The following PSMA1 variants were observed in gnomAD, a reference collection of about 807,000 sequenced individuals.
The protein encoded by PSMA1 is proteasome 20S subunit alpha 1, also known as proteasome subunit alpha type-1.
In PSMA1, 3 loss-of-function variants were observed where a neutral mutation model predicts 38.4. That is an observed-to-expected ratio of 0.08 (90% CI 0.04 to 0.20). The LOEUF (loss-of-function observed/expected upper bound fraction) is 0.20. Ranked by LOEUF, PSMA1 falls within the 10% of genes least tolerant of loss-of-function variation. The pLI is 1.00. For synonymous variants in PSMA1, 101 were observed against 107.1 expected (o/e 0.94, Z 0.35); for missense variants, 227 against 325.3 (o/e 0.70, Z 2.32).
At chr11:14,511,736 G>A (rs1851346284) in intron 7 of PSMA1, among the ~76,000 whole-genome samples, 2 of 152,050 alleles carry the variant, frequency 1.3e-5, no homozygotes, top group Non-Finnish European at 2.9e-5. Flanking sequence ...TTTCCCTTAA[G>A]TTTAGGAACA....
At chr11:14,639,223 G>C (rs879863852) in intron 1 of PSMA1, among the ~76,000 whole-genome samples, 5 of 151,518 alleles carry the variant, frequency 3.3e-5, no homozygotes, top group African/African-American at 1.2e-4. Flanking sequence ...AGTGAAATAC[G>C]ACATAAACAT....
chr11:14,517,708 A>T lies in PSMA1; in HGVS notation c.188T>A (p.Ile63Asn), dbSNP rs781276795. Residue 63 changes from isoleucine to asparagine, a missense_variant, in exon 4 of 10, where the codon ATT becomes AAT. By Grantham distance (149) the Ile-to-Asn change is moderately radical. Coordinates refer to ENST00000396394, the MANE Select transcript of PSMA1 (RefSeq NM_002786.4). ...QSELAAHQKK[I>N]LHVDNHIGIS... is the part of the protein sequence containing the mutation. ...ACCAATATGGTTGTCAACATGGAGAATTTTTTTCTGATGAGCTGCAAGCTC... is the reference window on the plus strand; with the variant it reads ...ACCAATATGGTTGTCAACATGGAGATTTTTTTTCTGATGAGCTGCAAGCTC... The T allele has an allele frequency of 6.2e-6, 10 of 1,609,508 alleles. No homozygotes were observed. The highest frequency in any genetic ancestry group is 1.7e-6 in the Non-Finnish European group (2 of 1,179,112).
At chr11:14,530,419 G>A (rs1444396437) in intron 2 of PSMA1, among the ~76,000 whole-genome samples, 1 of 152,030 alleles carries the variant, frequency 6.6e-6, no homozygotes, top group Admixed American at 6.6e-5. Context: ...TACTTTCTTG[G>A]AGCCTCAGCC....
Position 14,638,043 on chromosome 11 carries a change from C to T in PSMA1, c.-166+5412G>A, listed in dbSNP as rs562353298. Among the ~76,000 whole-genome samples the T allele has an allele frequency of 3.3e-4, 50 of 152,246 alleles. No homozygotes were observed. In the South Asian group the frequency reaches 5.8e-3, roughly 18 times the overall value. The stretch of plus-strand genomic sequence containing the variant: ...TCTACTCATTGTTAGTTACCTTACA[C>T]GTGTAATTTAATTTAATCCACAGCA... On this transcript the variant is annotated intron_variant, in intron 1 of 10. Transcript: ENST00000418988.
chr11:14,588,666 G>A (rs16930361), intron 2 of PSMA1, among the ~76,000 whole-genome samples: 2,818 of 152,256 alleles, frequency 0.019, 84 homozygotes, highest in African/African-American at 0.065. Context: ...TTTAGCATAC[G>A]AGTGTCTCAT....
At chr11:14,543,882 T>C (rs779652461) in intron 2 of PSMA1, among the ~76,000 whole-genome samples, 3 of 152,230 alleles carry the variant, frequency 2.0e-5, no homozygotes, top group African/African-American at 4.8e-5. Context: ...TGAGGACTTA[T>C]TGTACTATAC....
chr11:14,572,027 A>G (rs1004903412), intron 2 of PSMA1, among the ~76,000 whole-genome samples: 10 of 152,206 alleles, frequency 6.6e-5, no homozygotes, highest in Non-Finnish European at 1.3e-4. Flanking sequence ...GTCCTTAGAG[A>G]CCTACAAAGA....
At chr11:14,517,544 T>C in intron 4 of PSMA1, 98 bp downstream of exon 4, 1 of 983,320 alleles carries the variant, frequency 1.0e-6, no homozygotes, top group South Asian at 1.9e-5. Context: ...ACAAGAACTT[T>C]GGCAGACAAC....
Position 14,588,542 on chromosome 11 carries a change from G to T in PSMA1, c.21+22424C>A, listed in dbSNP as rs547367495. On this transcript the variant is annotated intron_variant, in intron 2 of 10. Transcript: ENST00000418988. ...ACAGAGTTTGGAGACCCATTATCAAGTTCTTACTATAGTCCTACTGTGACA... is the reference window on the plus strand; with the variant it reads ...ACAGAGTTTGGAGACCCATTATCAATTTCTTACTATAGTCCTACTGTGACA... Among the ~76,000 whole-genome samples, 61 of 152,260 alleles carry T rather than the reference G, an allele frequency of 4.0e-4. No homozygotes were observed. In the South Asian group the frequency reaches 0.012, roughly 29 times the overall value.
At chr11:14,514,996 T>C (rs1565033303) in intron 4 of PSMA1, among the ~76,000 whole-genome samples, 1 of 152,246 alleles carries the variant, frequency 6.6e-6, no homozygotes, top group Non-Finnish European at 1.5e-5. Context: ...GAGGAGATAC[T>C]GGACACTAGC....
chr11:14,602,402 G>C (rs1852593439), intron 2 of PSMA1, among the ~76,000 whole-genome samples: 1 of 151,924 alleles, frequency 6.6e-6, no homozygotes. Flanking sequence ...TCCTTGACCT[G>C]GTACATTCAT....
chr11:14,523,589 CAT>C (rs1491096235), upstream of PSMA1, among the ~76,000 whole-genome samples: 1 of 116,704 alleles, frequency 8.6e-6, no homozygotes, highest in South Asian at 3.1e-4. Flanking sequence ...TCTCAGGATA[CAT>C]TTTTTTTTTT....
chr11:14,560,883 G>C (rs1046617845), intron 2 of PSMA1, among the ~76,000 whole-genome samples: 4 of 152,222 alleles, frequency 2.6e-5, no homozygotes, highest in African/African-American at 7.2e-5. Context: ...TATGAAACAG[G>C]AACAGTGGAA....
At chr11:14,608,336 G>A (rs1198805984) in intron 2 of PSMA1, among the ~76,000 whole-genome samples, 1 of 151,864 alleles carries the variant, frequency 6.6e-6, no homozygotes, top group Non-Finnish European at 1.5e-5. Context: ...GTCATACAGC[G>A]AGACCCTGTC....
At chr11:14,569,982 T>C (rs1852118847) in intron 2 of PSMA1, among the ~76,000 whole-genome samples, 1 of 152,192 alleles carries the variant, frequency 6.6e-6, no homozygotes, top group African/African-American at 2.4e-5. Context: ...TGACACCTCA[T>C]ACAGGCAGGT....
intron 1 of PSMA1, among the ~76,000 whole-genome samples, chr11:14,640,525 T>G (rs1383842906): frequency 6.6e-6 from 1 of 152,206 alleles, no homozygotes; most frequent in Non-Finnish European, 1.5e-5. Context: ...TAGCATTTAG[T>G]ACAAATCTCG....
At chr11:14,595,118 G>T (rs1277485003) in intron 2 of PSMA1, among the ~76,000 whole-genome samples, 1 of 152,134 alleles carries the variant, frequency 6.6e-6, no homozygotes, top group Non-Finnish European at 1.5e-5. Flanking sequence ...GTATTCCATG[G>T]TGTATATGTG....
chr11:14,640,192 GGA>G (rs1315289828), intron 1 of PSMA1, among the ~76,000 whole-genome samples: 6 of 152,144 alleles, frequency 3.9e-5, no homozygotes, highest in Non-Finnish European at 8.8e-5. Flanking sequence ...AGAGGTCGGG[GGA>G]AAGAGGAGAG....
intron 2 of PSMA1, among the ~76,000 whole-genome samples, chr11:14,552,646 C>A (rs190145058): frequency 1.3e-5 from 2 of 151,982 alleles, no homozygotes; most frequent in Admixed American, 6.6e-5. Context: ...GCATTAGAGT[C>A]CCCCTGGGCC....
Sources: allele counts gnomAD v4.1 joint callset (sites outside exome capture counted in the v4.1 genomes callset), GRCh38; gene constraint gnomAD v4.1.1; transcripts MANE v1.5; gene names NCBI Gene and HGNC (gene_info 2026-07-23, HGNC 2026-07-21).